Variants in HUNK observed in about 807,000 individuals in gnomAD.
The protein encoded by HUNK is hormonally up-regulated Neu-associated kinase.
In HUNK, 21 loss-of-function variants were observed where a neutral mutation model predicts 61.0. The observed-to-expected ratio is 0.34, with a 90% CI of 0.24 to 0.50. The LOEUF is 0.50. Among genes scored for constraint, HUNK ranks in the 20% least tolerant of loss-of-function variants. HUNK has a pLI of 0.98. For missense variants in HUNK, 772 were observed against 945.7 expected, an observed-to-expected ratio of 0.82 and a Z score of 2.41; for synonymous variants, 371 against 386.1, an observed-to-expected ratio of 0.96 and a Z score of 0.46.
At position 31,873,036 on chromosome 21, in the gene HUNK, T is replaced by A. The variant is rs2052225766; in HGVS notation, c.-639T>A. On this transcript the variant is annotated 5_prime_UTR_variant, in exon 1 of 11. Transcript: ENST00000270112. The surrounding 1 kb of genome is among the most constrained non-coding windows in gnomAD (Gnocchi z 6.1). ...GGAGGGGCTACTAGGGATTTGAAAGTGCACGGGCTGCGGAGTGGAGCTCGC... is the reference window on the plus strand; with the variant it reads ...GGAGGGGCTACTAGGGATTTGAAAGAGCACGGGCTGCGGAGTGGAGCTCGC... Among the ~76,000 whole-genome samples the A allele has an allele frequency of 6.6e-6, 1 of 152,152 alleles. No homozygotes were observed. The highest frequency in any genetic ancestry group is 1.5e-5 in the Non-Finnish European group (1 of 68,008).
intron 7 of HUNK, among the ~76,000 whole-genome samples, chr21:31,976,138 A>T (rs896834579): frequency 2.6e-5 from 4 of 152,108 alleles, no homozygotes; most frequent in African/African-American, 9.7e-5. Flanking sequence ...TTTATGGGGG[A>T]AAAAACGTGG....
chr21:31,930,340 A>G (rs575488228), intron 2 of HUNK, among the ~76,000 whole-genome samples: 14 of 152,344 alleles, frequency 9.2e-5, no homozygotes, highest in African/African-American at 3.4e-4. Flanking sequence ...GACTGAGTCC[A>G]TGTTCTCTGT....
intron 1 of HUNK, among the ~76,000 whole-genome samples, chr21:31,897,350 G>A (rs1397664918): frequency 2.0e-5 from 3 of 152,202 alleles, no homozygotes; most frequent in Non-Finnish European, 4.4e-5. Context: ...TAAGATCAAG[G>A]TGAGTTGGTT....
At chr21:31,955,577 C>T (rs890855354) in intron 4 of HUNK, among the ~76,000 whole-genome samples, 16 of 152,126 alleles carry the variant, frequency 1.1e-4, no homozygotes, top group Admixed American at 2.0e-4. Context: ...GGCGATGGAG[C>T]GAGACTCCGT....
chr21:31,958,009 T>C (rs1226344780), intron 4 of HUNK, among the ~76,000 whole-genome samples: 2 of 152,172 alleles, frequency 1.3e-5, no homozygotes, highest in Admixed American at 6.5e-5. Context: ...CCTGTATTGT[T>C]TGGTCAGCCT....
At chr21:31,955,591 A>T (rs956659272) in intron 4 of HUNK, among the ~76,000 whole-genome samples, 1 of 152,244 alleles carries the variant, frequency 6.6e-6, no homozygotes, top group Non-Finnish European at 1.5e-5. Flanking sequence ...ACTCCGTCTC[A>T]AAAAAGAAAA....
At chr21:31,934,311 C>T (rs373354312) in intron 2 of HUNK, among the ~76,000 whole-genome samples, 13 of 151,518 alleles carry the variant, frequency 8.6e-5, no homozygotes, top group South Asian at 2.1e-4. Flanking sequence ...GGTGCGGTGG[C>T]GGGCGCCTGT....
rs533891030 is a variant in HUNK, at chr21:31,910,619, G to T, written c.262-13849G>T. On this transcript the variant is annotated intron_variant, in intron 1 of 10. Coordinates refer to ENST00000270112, the MANE Select transcript of HUNK (RefSeq NM_014586.2). Reference sequence around the variant, plus strand: ...TTGTTGTGCCTCAGCCTCCCAAGTAGCTGGGATTACAGGCATGCGCCACCA... The same window carrying T: ...TTGTTGTGCCTCAGCCTCCCAAGTATCTGGGATTACAGGCATGCGCCACCA... Among the ~76,000 whole-genome samples the T allele has an allele frequency of 2.6e-4, 40 of 151,890 alleles. 1 individual carries two copies. The South Asian group carries it at 8.3e-3, about 32-fold the overall frequency.
At chr21:31,922,578 C>T (rs539078345) in intron 1 of HUNK, among the ~76,000 whole-genome samples, 158 of 150,188 alleles carry the variant, frequency 1.1e-3, no homozygotes, top group Non-Finnish European at 1.1e-3. Context: ...TCACCCTCCT[C>T]GGCCTCCCAA....
intron 1 of HUNK, among the ~76,000 whole-genome samples, chr21:31,884,240 A>C (rs2052330043): frequency 6.6e-6 from 1 of 152,142 alleles, no homozygotes; most frequent in African/African-American, 2.4e-5. Context: ...ATCTACCCTC[A>C]TGAATGGGAT....
intron 3 of HUNK, among the ~76,000 whole-genome samples, chr21:31,942,100 C>T (rs6517064): frequency 0.071 from 10,879 of 152,260 alleles, 1,286 homozygotes; most frequent in African/African-American, 0.25. Flanking sequence ...ATCCCAGCTA[C>T]TCAGGAGGCT....
chr21:31,897,526 A>G (rs1205244015), intron 1 of HUNK, among the ~76,000 whole-genome samples: 1 of 152,160 alleles, frequency 6.6e-6, no homozygotes, highest in Non-Finnish European at 1.5e-5. Flanking sequence ...AGACACAATC[A>G]TGTTGGATTA....
chr21:31,910,937 C>T (rs1014785865), intron 1 of HUNK, among the ~76,000 whole-genome samples: 1 of 152,192 alleles, frequency 6.6e-6, no homozygotes, highest in Non-Finnish European at 1.5e-5. Context: ...CAACTTAGCA[C>T]TTGGCATGCG....
chr21:31,905,519 A>G (rs1233611756), intron 1 of HUNK, among the ~76,000 whole-genome samples: 1 of 152,178 alleles, frequency 6.6e-6, no homozygotes, highest in Non-Finnish European at 1.5e-5. Context: ...TCTTCCCACC[A>G]TGTGCACACG....
intron 5 of HUNK, among the ~76,000 whole-genome samples, chr21:31,962,161 T>C (rs1351933880): frequency 2.6e-5 from 4 of 152,200 alleles, no homozygotes; most frequent in African/African-American, 9.7e-5. Context: ...GTGGAAGCTT[T>C]CTAAAACATG....
intron 7 of HUNK, 102 bp downstream of exon 7, chr21:31,974,819 A>G: frequency 8.7e-7 from 1 of 1,150,246 alleles, no homozygotes; most frequent in Non-Finnish European, 1.2e-6. Context: ...CAAGCTGCTA[A>G]TTTAATCTAA....
At chr21:31,965,117 C>T (rs1159426066) in intron 5 of HUNK, among the ~76,000 whole-genome samples, 1 of 152,134 alleles carries the variant, frequency 6.6e-6, no homozygotes, top group Admixed American at 6.6e-5. Context: ...TTCTGAAAAG[C>T]AGAGATCTGT....
At position 31,873,807 on chromosome 21, in the gene HUNK, C is replaced by A; in HGVS notation, c.133C>A (p.Pro45Thr). ...CCTGCCTGCCTGGGTGAGCGGCGTG[C>A]CCCGCGAGCGGCTCCGCGACTTCCA... is the stretch of plus-strand genomic sequence containing the variant. Reference protein sequence around the residue: ...SFLPAWVSGVPRERLRDFQHH... With the variant: ...SFLPAWVSGVTRERLRDFQHH... The change falls in exon 1 of 11, where the codon CCC becomes ACC. Residue 45 changes from proline to threonine, a missense_variant. Physicochemically the swap from Pro to Thr is conservative, Grantham distance 38. Around this residue, in one of 2 missense-constraint regions of HUNK, gnomAD observed 359 missense variants for 501.3 expected, o/e 0.72. Transcript: ENST00000270112. This position sits in a 1 kb window ranked among gnomAD's most constrained non-coding sequence, Gnocchi z 6.1. The A allele has an allele frequency of 6.4e-7, 1 of 1,567,586 alleles. No individual in the cohort carries two copies. The highest frequency in any genetic ancestry group is 8.6e-7 in the Non-Finnish European group (1 of 1,160,694).
intron 1 of HUNK, among the ~76,000 whole-genome samples, chr21:31,903,382 G>A (rs1039942234): frequency 5.3e-5 from 8 of 151,850 alleles, no homozygotes; most frequent in East Asian, 1.9e-4. Flanking sequence ...ATGGTGCTGC[G>A]TGTGTATATT....
Sources: allele counts gnomAD v4.1 joint callset (sites outside exome capture counted in the v4.1 genomes callset), GRCh38; gene constraint gnomAD v4.1.1; regional missense constraint gnomAD v4.1.1; non-coding constraint Gnocchi (gnomAD v3.1); transcripts MANE v1.5; gene names NCBI Gene and HGNC (gene_info 2026-07-23, HGNC 2026-07-21).